KRT28: variants seen among roughly 807,000 people sequenced by gnomAD.
KRT28 encodes keratin, type I cytoskeletal 28.
KRT28 carries 45 observed loss-of-function variants against 48.1 expected under a neutral mutation model. That is an observed-to-expected ratio of 0.94 (90% CI 0.74 to 1.20). KRT28 has a LOEUF of 1.20. Ranked by LOEUF, KRT28 falls within the 50% of genes most tolerant of loss-of-function variation. KRT28 has a pLI of 0.00. For missense variants in KRT28, 571 were observed against 574.1 expected, an observed-to-expected ratio of 0.99 and a Z score of 0.06; for synonymous variants, 228 against 227.4, an observed-to-expected ratio of 1.00 and a Z score of -0.03.
chr17:40,799,689 C>T lies in KRT28; in HGVS notation c.205G>A (p.Ala69Thr). 7.4e-6 allele frequency: 12 copies of T among 1,614,132 alleles called. No homozygotes were observed. The highest frequency in any genetic ancestry group is 1.0e-5 in the Non-Finnish European group (12 of 1,180,012). Residue 69 changes from alanine (A) to threonine (T), a missense_variant, in exon 1 of 8, where the codon GCT (alanine) becomes ACT (threonine). Physicochemically the swap from Ala to Thr is moderately conservative, Grantham distance 58. Transcript: ENST00000306658. ...GSHAGGALGN[A>T]ACIGFAGSEG... Reference sequence around the variant, plus strand: ...CTTCCAGCAAAGCCAATACAAGCAGCATTTCCAAGGGCACCACCAGCATGG... The same window carrying T: ...CTTCCAGCAAAGCCAATACAAGCAGTATTTCCAAGGGCACCACCAGCATGG...
chr17:40,798,021 C>A (rs981822559), intron 3 of KRT28, among the ~76,000 whole-genome samples: 9 of 152,152 alleles, frequency 5.9e-5, no homozygotes, highest in African/African-American at 2.2e-4. Flanking sequence ...TTATTATAGG[C>A]CAGGCACTGT....
chr17:40,799,935 A>C lies in KRT28; in HGVS notation c.-42T>G. The C allele has an allele frequency of 4.9e-6, 7 of 1,420,080 alleles. No homozygotes were observed. Among genetic ancestry groups the C allele is most frequent in the South Asian group, 1.2e-5 (1 of 85,500 alleles). The allele number at this position is 1,420,080 out of a possible 1,614,324, so 88.0% of individuals were successfully genotyped here. A position where few individuals can be genotyped will look rare whatever the true frequency, so the allele number is the denominator to read the frequency against. ...TTCACCTTGTCTATGCAAAACTGTA[A>C]TGTCCCAAGAGAACAGAATATCATG... On this transcript the variant is annotated 5_prime_UTR_variant, in exon 1 of 8. Coordinates refer to ENST00000306658, the MANE Select transcript of KRT28 (RefSeq NM_181535.3).
intron 5 of KRT28, among the ~76,000 whole-genome samples, chr17:40,795,841 A>G (rs139758112): frequency 4.3e-4 from 65 of 152,334 alleles, no homozygotes; most frequent in Non-Finnish European, 8.2e-4. Context: ...TGCAGCAGGA[A>G]CAGAGTCCTC....
intron 5 of KRT28, among the ~76,000 whole-genome samples, chr17:40,794,787 G>C (rs916976517): frequency 3.9e-5 from 6 of 151,954 alleles, no homozygotes; most frequent in African/African-American, 1.2e-4. Flanking sequence ...TATTACTTCT[G>C]TTGATATTAG....
In KRT28 at chr17:40,796,960, T is replaced by G; in HGVS notation, c.934A>C (p.Thr312Pro). Residue 312 changes from threonine (T) to proline (P), a missense_variant, in exon 5 of 8, where the codon ACC becomes CCC. By Grantham distance (38) the Thr-to-Pro change is conservative. Transcript: ENST00000306658. ...AGCTGGATCTCCAGGGTCTGCAGGG[T>G]GCGCCTCATCTCGGTGAGCTGGCTC... ...ARSQLTEMRR[T>P]LQTLEIQLQS... 6.2e-7 allele frequency: 1 copy of G among 1,612,428 alleles called. No homozygotes were observed. Among genetic ancestry groups the G allele is most frequent in the Non-Finnish European group, 8.5e-7 (1 of 1,179,604 alleles).
rs767206491 is a variant in KRT28, at chr17:40,798,923, C to T, written c.527G>A (p.Arg176Lys). 1 of 1,600,056 alleles carries T rather than the reference C, an allele frequency of 6.2e-7. No homozygotes were observed. Among genetic ancestry groups the T allele is most frequent in the Non-Finnish European group, 8.5e-7 (1 of 1,171,220 alleles). The change falls in exon 2 of 8, where the codon AGG becomes AAG. Residue 176 changes from arginine (R) to lysine (K), a missense_variant. Coordinates refer to ENST00000306658, the MANE Select transcript of KRT28 (RefSeq NM_181535.3). ...DNARLAADDF[R>K]LKYENELTLH... ...ATTTTCTTCTGTCACTTACTTTAGC[C>T]TGAAATCATCAGCAGCCAGTCTGGC...
Position 40,793,199 on chromosome 17 carries a change from T to C in KRT28, c.1208A>G (p.Lys403Arg). 6.4e-7 allele frequency: 1 copy of C among 1,562,124 alleles called. No individual in the cohort carries two copies. Among genetic ancestry groups the C allele is most frequent in the African/African-American group, 1.4e-5 (1 of 71,882 alleles). Residue 403 changes from lysine to arginine, a missense_variant, in exon 7 of 8, where the codon AAA (lysine) becomes AGA (arginine). Lys to Arg is a conservative substitution (Grantham distance 26, BLOSUM62 2). Transcript: ENST00000306658. ...LIDGDGNSCSKSKGFGSGSPG... is the reference protein window; with the variant it reads ...LIDGDGNSCSRSKGFGSGSPG... ...GCTTCCTGATCCAAAGCCCTTTGAT[T>C]TGGAGCATGAACTGTAAAAGAAATA...
In KRT28 at chr17:40,793,163, G is replaced by A; in HGVS notation, c.1244C>T (p.Ser415Leu). 6.4e-7 allele frequency: 1 copy of A among 1,559,610 alleles called. No individual in the cohort carries two copies. Among genetic ancestry groups the A allele is most frequent in the Non-Finnish European group, 8.7e-7 (1 of 1,151,552 alleles). Residue 415 changes from serine (S) to leucine (L), a missense_variant, in exon 7 of 8, where the codon TCA (serine) becomes TTA (leucine). Transcript: ENST00000306658. ...GAACTAGATTTTATTACCTTTAGAT[G>A]AATTCCCAGGGCTTCCTGATCCAAA... Reference protein sequence around the residue: ...KGFGSGSPGNSSKDLSKTTLV... With the variant: ...KGFGSGSPGNLSKDLSKTTLV...
At position 40,797,164 on chromosome 17, in the gene KRT28, C is replaced by T. The variant is rs1904632525; in HGVS notation, c.808G>A (p.Ala270Thr). The T allele has an allele frequency of 1.2e-6, 2 of 1,614,174 alleles. No individual in the cohort carries two copies. Among genetic ancestry groups the T allele is most frequent in the Non-Finnish European group, 1.7e-6 (2 of 1,180,012 alleles). ...NNMRAEYEAL[A>T]EQNRKDAEAW... Reference sequence around the variant, plus strand: ...TCCGCGTCCTTGCGGTTCTGCTCTGCAAGGGCTTCGTACTCCGCTCGCATG... The same window carrying T: ...TCCGCGTCCTTGCGGTTCTGCTCTGTAAGGGCTTCGTACTCCGCTCGCATG... Residue 270 changes from alanine to threonine, a missense_variant, in exon 4 of 8, where the codon GCA becomes ACA. By Grantham distance (58) the Ala-to-Thr change is moderately conservative (BLOSUM62 0). Transcript: ENST00000306658.
Position 40,798,825 on chromosome 17 carries a change from T to C in KRT28, c.533+92A>G. ...CTTCCTTTTATCTTTTAGGTGATAG[T>C]TCATTCTACTTGGGATGAAATAGAA... is the stretch of plus-strand genomic sequence containing the variant. On this transcript the variant is annotated intron_variant, in intron 2 of 7. Transcript: ENST00000306658. 9 of 801,620 alleles carry C rather than the reference T, an allele frequency of 1.1e-5. No homozygotes were observed. In the South Asian group the frequency reaches 1.5e-4, roughly 13 times the overall value. The allele number at this position is 801,620 out of a possible 1,614,324, so 49.7% of individuals were successfully genotyped here.
chr17:40,794,584 C>A (rs1904570646), intron 5 of KRT28, among the ~76,000 whole-genome samples: 1 of 152,058 alleles, frequency 6.6e-6, no homozygotes. Context: ...AGTGCCTTAA[C>A]AGATGTGAGA....
In KRT28 at chr17:40,798,241, G is replaced by A; in HGVS notation, c.684C>T (p.His228=). The A allele has an allele frequency of 6.2e-7, 1 of 1,603,118 alleles. No individual in the cohort carries two copies. Among genetic ancestry groups the A allele is most frequent in the Non-Finnish European group, 8.5e-7 (1 of 1,170,742 alleles). Residue 228 remains histidine (H), a synonymous_variant, in exon 3 of 8, where the codon CAC becomes CAT. Coordinates refer to ENST00000306658, the MANE Select transcript of KRT28 (RefSeq NM_181535.3). ...CAGGTAAAGCTTCTCCTACCTCTTC[G>A]TGGTTCTTTTTGAGATATGTCATCT... ...SEEMTYLKKN[H]EEEMKALQCA...
Position 40,799,720 on chromosome 17 carries a change from A to G in KRT28, c.174T>C (p.Gly58=). ...ALGGGLGSVP[G]GSHAGGALGN... Reference sequence around the variant, plus strand: ...CAAGGGCACCACCAGCATGGCTCCCACCAGGAACACTGCCCAAGCCCCCTC... The same window carrying G: ...CAAGGGCACCACCAGCATGGCTCCCGCCAGGAACACTGCCCAAGCCCCCTC... Residue 58 remains glycine (G), a synonymous_variant, in exon 1 of 8, where the codon GGT becomes GGC. Coordinates refer to ENST00000306658, the MANE Select transcript of KRT28 (RefSeq NM_181535.3). The G allele has an allele frequency of 6.2e-7, 1 of 1,614,046 alleles. No individual in the cohort carries two copies. Among genetic ancestry groups the G allele is most frequent in the African/African-American group, 1.3e-5 (1 of 75,002 alleles).
chr17:40,798,876 A>G (rs1197746370), intron 2 of KRT28, 41 bp downstream of exon 2: 3 of 1,287,142 alleles, frequency 2.3e-6, no homozygotes, highest in East Asian at 2.3e-5. Context: ...TTAAATAAAT[A>G]GAAACTTTTT....
Position 40,794,013 on chromosome 17 carries a change from C to A in KRT28, c.1012G>T (p.Glu338Ter). 1 of 1,613,918 alleles carries A rather than the reference C, an allele frequency of 6.2e-7. No individual in the cohort carries two copies. ...HSLECSLTET[E>*]SNYCTQLAQI... ...GCCAGCTGCGTACAGTAGTTGCTCT[C>A]GGTCTCTGTCAAGGAGCACTCCAGG... Residue 338 changes from glutamate (E) to a stop codon, truncating the protein, a stop_gained, in exon 6 of 8, where the codon GAG becomes TAG. Coordinates refer to ENST00000306658, the MANE Select transcript of KRT28 (RefSeq NM_181535.3). LOFTEE classifies it high-confidence loss of function.
chr17:40,796,963 G>C lies in KRT28; in HGVS notation c.931C>G (p.Arg311Gly), dbSNP rs943651638. ...TGGATCTCCAGGGTCTGCAGGGTGC[G>C]CCTCATCTCGGTGAGCTGGCTCCGG... ...FARSQLTEMR[R>G]TLQTLEIQLQ... Residue 311 changes from arginine (R) to glycine (G), a missense_variant, in exon 5 of 8, where the codon CGC becomes GGC. Arg to Gly is a moderately radical substitution (Grantham distance 125). Transcript: ENST00000306658. 1.9e-6 allele frequency: 3 copies of C among 1,612,650 alleles called. No homozygotes were observed. Among genetic ancestry groups the C allele is most frequent in the East Asian group, 2.2e-5 (1 of 44,870 alleles).
chr17:40,794,078 T>C (rs1376876643), intron 5 of KRT28, 32 bp from the exon 6 acceptor site: 1 of 1,611,312 alleles, frequency 6.2e-7, no homozygotes, highest in Non-Finnish European at 8.5e-7. Flanking sequence ...TGGCAAGGGA[T>C]GAAAACACTC....
chr17:40,797,363 G>C, intron 3 of KRT28, 82 bp from the exon 4 acceptor site: 1 of 1,399,834 alleles, frequency 7.1e-7, no homozygotes, highest in Non-Finnish European at 9.8e-7. Context: ...GTTACTTTAT[G>C]TCTCAAAGTT....
Position 40,799,887 on chromosome 17 carries a change from G to A in KRT28, c.7C>T (p.Leu3Phe). MS[L>F]QFSNGSRHVC... ...TGCCTGGATCCATTAGAAAATTGGA[G>A]AGACATGGTGTTTTGAGAAATGTTC... is the stretch of plus-strand genomic sequence containing the variant. Residue 3 changes from leucine (L) to phenylalanine (F), a missense_variant, in exon 1 of 8, where the codon CTC (leucine) becomes TTC (phenylalanine). Physicochemically the swap from Leu to Phe is conservative, Grantham distance 22. Coordinates refer to ENST00000306658, the MANE Select transcript of KRT28 (RefSeq NM_181535.3). 3 of 1,608,094 alleles carry A rather than the reference G, an allele frequency of 1.9e-6. No individual in the cohort carries two copies. The highest frequency in any genetic ancestry group is 2.5e-6 in the Non-Finnish European group (3 of 1,177,616).
Sources: allele counts gnomAD v4.1 joint callset (sites outside exome capture counted in the v4.1 genomes callset), GRCh38; gene constraint gnomAD v4.1.1; transcripts MANE v1.5; gene names NCBI Gene and HGNC (gene_info 2026-07-23, HGNC 2026-07-21).